The following FAM120A variants were observed in gnomAD, a reference collection of about 807,000 sequenced individuals.
FAM120A encodes family with sequence similarity 120 member A.
Under a neutral mutation model 109.7 loss-of-function variants are expected in FAM120A, and 15 were observed. The observed-to-expected ratio is 0.14, with a 90% CI of 0.09 to 0.21. FAM120A has a LOEUF of 0.21. Ranked by LOEUF, FAM120A falls within the 10% of genes least tolerant of loss-of-function variation. The pLI is 1.00. For synonymous variants in FAM120A, 493 were observed against 572.8 expected, an observed-to-expected ratio of 0.86 and a Z score of 1.99; for missense variants, 899 against 1,439.3, an observed-to-expected ratio of 0.62 and a Z score of 6.07.
chr9:93,524,392 A>G (rs1240761853), intron 7 of FAM120A, among the ~76,000 whole-genome samples: 1 of 152,176 alleles, frequency 6.6e-6, no homozygotes, highest in Non-Finnish European at 1.5e-5. Flanking sequence ...AGTCTCACCA[A>G]CCTGCTGAAA....
chr9:93,527,069 C>T lies in FAM120A; in HGVS notation c.1419-86C>T, dbSNP rs545696815. On this transcript the variant is annotated intron_variant, in intron 7 of 17. Transcript: ENST00000277165. ...TTTTAAAAGTATTGTTATTATGAGC[C>T]TGAAGACTTAGCTGAGGCCCTTCTT... 872 of 992,266 alleles carry T rather than the reference C, an allele frequency of 8.8e-4. 25 individuals carry two copies. Among genetic ancestry groups the T allele is most frequent in the South Asian group, 7.3e-3 (555 of 76,086 alleles). 61.5% of individuals were successfully genotyped at this position (992,266 alleles called of 1,614,324 possible).
At chr9:93,493,642 C>T (rs550523571) in intron 3 of FAM120A, among the ~76,000 whole-genome samples, 50 of 152,294 alleles carry the variant, frequency 3.3e-4, no homozygotes, top group African/African-American at 1.2e-3. Flanking sequence ...AGTCTCTGAG[C>T]GTCCGGGACC....
At chr9:93,534,394 C>T (rs1279459656) in intron 10 of FAM120A, among the ~76,000 whole-genome samples, 1 of 151,936 alleles carries the variant, frequency 6.6e-6, no homozygotes. Flanking sequence ...TCCTGTGGCT[C>T]CTTTTCTTCC....
chr9:93,516,291 G>A, intron 7 of FAM120A, 22 bp downstream of exon 7: 2 of 1,600,600 alleles, frequency 1.2e-6, no homozygotes, highest in Non-Finnish European at 1.7e-6. Context: ...GTGGGTCGCT[G>A]GGTGCTTCCT....
chr9:93,505,049 G>GTTTTT (rs1859973237), intron 5 of FAM120A, among the ~76,000 whole-genome samples: 1 of 110,052 alleles, frequency 9.1e-6, no homozygotes, highest in South Asian at 3.9e-4. Flanking sequence ...TTGTTCGCTT[G>GTTTTT]TGTTTTTTTT....
chr9:93,522,256 T>C (rs969062858), intron 7 of FAM120A, among the ~76,000 whole-genome samples: 1 of 152,266 alleles, frequency 6.6e-6, no homozygotes, highest in Non-Finnish European at 1.5e-5. Context: ...TACAAAGTTA[T>C]ATAGAATTCA....
intron 3 of FAM120A, among the ~76,000 whole-genome samples, chr9:93,481,768 A>G (rs1858817598): frequency 6.6e-6 from 1 of 152,138 alleles, no homozygotes; most frequent in African/African-American, 2.4e-5. Flanking sequence ...CTCTGTTTAC[A>G]CTGCAGTTCC....
intron 12 of FAM120A, among the ~76,000 whole-genome samples, chr9:93,554,179 A>ACT (rs1862210422): frequency 6.8e-6 from 1 of 147,430 alleles, no homozygotes; most frequent in African/African-American, 2.6e-5. Context: ...ACACACACAC[A>ACT]CTAGCCTTGC....
At chr9:93,558,521 C>A in intron 14 of FAM120A, 60 bp from the exon 15 acceptor site, 1 of 1,586,168 alleles carries the variant, frequency 6.3e-7, no homozygotes, top group South Asian at 1.1e-5. Flanking sequence ...GAATACCCAG[C>A]AGGGCCCTGA....
At position 93,550,651 on chromosome 9, in the gene FAM120A, C is replaced by T; in HGVS notation, c.2234C>T (p.Ser745Phe). The T allele has an allele frequency of 6.2e-7, 1 of 1,613,908 alleles. No individual in the cohort carries two copies. Among genetic ancestry groups the T allele is most frequent in the South Asian group, 1.1e-5 (1 of 91,070 alleles). The change falls in exon 12 of 18, where the codon TCC becomes TTC. Residue 745 changes from serine (S) to phenylalanine (F), a missense_variant. Physicochemically the swap from Ser to Phe is radical, Grantham distance 155 (BLOSUM62 -2). Coordinates refer to ENST00000277165, the MANE Select transcript of FAM120A (RefSeq NM_014612.5). ...ELDAFLAQAL[S>F]PKLYEPDQLQ... ...GATGCCTTCCTGGCTCAGGCGCTGT[C>T]CCCCAAACTCTACGAGCCTGATCAG...
At chr9:93,472,349 T>C (rs574177750) in intron 2 of FAM120A, among the ~76,000 whole-genome samples, 3 of 152,366 alleles carry the variant, frequency 2.0e-5, no homozygotes, top group Admixed American at 2.0e-4. Flanking sequence ...TTTTGTCAGC[T>C]ACCCTTTCTT....
intron 3 of FAM120A, among the ~76,000 whole-genome samples, chr9:93,482,752 C>CT (rs1858876031): frequency 6.6e-6 from 1 of 152,080 alleles, no homozygotes; most frequent in African/African-American, 2.4e-5. Flanking sequence ...GTGGGCCAGT[C>CT]TAGTAGACTG....
chr9:93,499,241 A>G (rs1859699226), intron 5 of FAM120A, among the ~76,000 whole-genome samples: 2 of 151,186 alleles, frequency 1.3e-5, no homozygotes, highest in African/African-American at 2.4e-5. Flanking sequence ...TCATAAATGC[A>G]GTGTATTTGT....
intron 3 of FAM120A, among the ~76,000 whole-genome samples, chr9:93,495,317 A>G (rs557458861): frequency 2.0e-5 from 3 of 152,236 alleles, no homozygotes; most frequent in Non-Finnish European, 4.4e-5. Flanking sequence ...CTAATATACC[A>G]CCATGATCCT....
At chr9:93,545,703 T>G (rs943843511) in intron 11 of FAM120A, among the ~76,000 whole-genome samples, 1 of 151,734 alleles carries the variant, frequency 6.6e-6, no homozygotes, top group Non-Finnish European at 1.5e-5. Flanking sequence ...AAGATTCAAT[T>G]AAATGGAGAT....
chr9:93,521,135 C>T (rs914202431), intron 7 of FAM120A, among the ~76,000 whole-genome samples: 1 of 152,126 alleles, frequency 6.6e-6, no homozygotes, highest in African/African-American at 2.4e-5. Context: ...CATAGTTGTG[C>T]CTGCCCGATG....
chr9:93,541,904 A>G (rs975065758), intron 10 of FAM120A, among the ~76,000 whole-genome samples: 1 of 152,184 alleles, frequency 6.6e-6, no homozygotes, highest in Non-Finnish European at 1.5e-5. Context: ...GAAACTGTGT[A>G]TCCAAGTGTC....
At chr9:93,489,990 A>G (rs1346777236) in intron 3 of FAM120A, among the ~76,000 whole-genome samples, 1 of 152,194 alleles carries the variant, frequency 6.6e-6, no homozygotes, top group Non-Finnish European at 1.5e-5. Context: ...CAGCCCCCAG[A>G]CCTGTGCTCC....
intron 10 of FAM120A, among the ~76,000 whole-genome samples, chr9:93,541,465 C>T (rs1861698763): frequency 6.6e-6 from 1 of 152,116 alleles, no homozygotes; most frequent in Non-Finnish European, 1.5e-5. Flanking sequence ...CGTCCAACGA[C>T]AGGATATGCT....
Sources: gnomAD v4.1 joint callset for allele counts (sites outside exome capture counted in the v4.1 genomes callset) on GRCh38, gnomAD v4.1.1 for gene constraint, MANE v1.5 for transcripts, NCBI Gene and HGNC (gene_info 2026-07-23, HGNC 2026-07-21) for gene names.